EXT1: variants seen among roughly 807,000 people sequenced by gnomAD.
EXT1 encodes the protein exostosin-1.
EXT1 carries 20 observed loss-of-function variants against 82.5 expected under a neutral mutation model. The ratio of observed to expected loss-of-function variants is 0.24; its 90% CI spans 0.17 to 0.35. The LOEUF is 0.35. EXT1 is among the 10% of genes least tolerant of loss of function. The pLI, the probability that EXT1 is intolerant of heterozygous loss-of-function variation, is 1.00. For synonymous variants in EXT1, 348 were observed against 350.8 expected, an observed-to-expected ratio of 0.99 and a Z score of 0.09; for missense variants, 757 against 936.5, an observed-to-expected ratio of 0.81 and a Z score of 2.50.
chr8:117,982,632 A>G (rs1454093168), intron 1 of EXT1, among the ~76,000 whole-genome samples: 1 of 152,070 alleles, frequency 6.6e-6, no homozygotes, highest in Non-Finnish European at 1.5e-5. Context: ...CTGAGATTAC[A>G]GGGGTGCGCC....
intron 1 of EXT1, among the ~76,000 whole-genome samples, chr8:118,088,102 G>A (rs1336039341): frequency 6.6e-6 from 1 of 152,112 alleles, no homozygotes; most frequent in Non-Finnish European, 1.5e-5. Context: ...TCTTCTCCCG[G>A]CTGCTGCACT....
At chr8:117,892,735 G>C (rs1813267362) in intron 1 of EXT1, among the ~76,000 whole-genome samples, 1 of 152,220 alleles carries the variant, frequency 6.6e-6, no homozygotes, top group Non-Finnish European at 1.5e-5. Flanking sequence ...ACTGTGGCTT[G>C]CACCATAGAA....
rs1419842963 is a variant in EXT1 at position 117,819,919 on chromosome 8, T to G, written c.1418-125A>C. ...CCCTCCTGGATGATTTCTCCTTTGC[T>G]TCTTATGTCCTGACAGGACAGAAAC... is the stretch of plus-strand genomic sequence containing the variant. On this transcript the variant is annotated intron_variant, in intron 5 of 10. Coordinates refer to ENST00000378204, the MANE Select transcript of EXT1 (RefSeq NM_000127.3). The G allele has an allele frequency of 1.1e-5, 10 of 908,124 alleles. No homozygotes were observed. In the East Asian group the frequency reaches 1.7e-4, roughly 15 times the overall value. The allele number at this position is 908,124 out of a possible 1,614,324, so 56.3% of individuals were successfully genotyped here. A position where few individuals can be genotyped will look rare whatever the true frequency, so the allele number is the denominator to read the frequency against.
intron 10 of EXT1, among the ~76,000 whole-genome samples, chr8:117,804,024 G>T (rs1034902982): frequency 6.6e-6 from 1 of 152,204 alleles, no homozygotes; most frequent in Admixed American, 6.5e-5. Context: ...AGAGAGTATG[G>T]TTTGCTAGAC....
At chr8:118,042,607 G>A (rs1340738474) in intron 1 of EXT1, among the ~76,000 whole-genome samples, 1 of 152,102 alleles carries the variant, frequency 6.6e-6, no homozygotes, top group Admixed American at 6.5e-5. Flanking sequence ...CCCCCACCTT[G>A]TTTTTTAATT....
At chr8:118,098,758 C>CAAAAAAAA (rs3050886) in intron 1 of EXT1, among the ~76,000 whole-genome samples, 1 of 128,142 alleles carries the variant, frequency 7.8e-6, no homozygotes, top group Non-Finnish European at 1.6e-5. Flanking sequence ...GACTCTGTCT[C>CAAAAAAAA]AAAAAAAAAA....
intron 1 of EXT1, among the ~76,000 whole-genome samples, chr8:117,874,911 C>A (rs1812940384): frequency 6.6e-6 from 1 of 152,080 alleles, no homozygotes; most frequent in Non-Finnish European, 1.5e-5. Flanking sequence ...GCGGCTTTGA[C>A]AATAGTGTTA....
chr8:117,995,399 A>T (rs1815517095), intron 1 of EXT1, among the ~76,000 whole-genome samples: 1 of 152,172 alleles, frequency 6.6e-6, no homozygotes, highest in African/African-American at 2.4e-5. Context: ...TCTGTAATTC[A>T]TCAATGATAT....
intron 4 of EXT1, among the ~76,000 whole-genome samples, chr8:117,827,300 T>C (rs746579079): frequency 2.6e-4 from 39 of 152,290 alleles, no homozygotes; most frequent in Middle Eastern, 3.4e-3. Flanking sequence ...TAGATAAAGA[T>C]ATAGTTATCT....
chr8:117,851,616 G>GACACACACACACAC lies in EXT1; in HGVS notation c.963-14429_963-14416dup, dbSNP rs35686154. 3.2e-3 allele frequency among the ~76,000 whole-genome samples: 477 copies of GACACACACACACAC among 148,000 alleles called. 12 individuals carry two copies. In the East Asian group the frequency reaches 0.065, roughly 20 times the overall value. On this transcript the variant is annotated intron_variant, in intron 1 of 10. Transcript: ENST00000378204. ...CTAAGAAAGCAGTGCAATTTAGCTG[G>GACACACACACACAC]ACACACACACACACACACACACACA...
intron 1 of EXT1, among the ~76,000 whole-genome samples, chr8:117,860,223 C>T (rs1411716022): frequency 1.3e-5 from 2 of 150,200 alleles, no homozygotes; most frequent in African/African-American, 2.5e-5. Context: ...AACTGGAGGC[C>T]ATTATTCTAA....
At chr8:118,039,508 C>T (rs1369825895) in intron 1 of EXT1, among the ~76,000 whole-genome samples, 4 of 140,658 alleles carry the variant, frequency 2.8e-5, no homozygotes, top group African/African-American at 5.3e-5. Context: ...TGCAGTGAGC[C>T]GAGATGGCGC....
intron 10 of EXT1, among the ~76,000 whole-genome samples, chr8:117,800,605 C>G (rs1343372217): frequency 2.6e-5 from 4 of 152,194 alleles, no homozygotes; most frequent in Non-Finnish European, 5.9e-5. Context: ...TAACTTTATA[C>G]TAAAATCTCA....
chr8:118,105,348 C>A (rs1366442177), intron 1 of EXT1, among the ~76,000 whole-genome samples: 3 of 152,320 alleles, frequency 2.0e-5, no homozygotes, highest in Admixed American at 1.3e-4. Flanking sequence ...TGGGCAGGAC[C>A]TGCCCAAACC....
chr8:118,088,695 T>G (rs1817470975), intron 1 of EXT1, among the ~76,000 whole-genome samples: 1 of 152,028 alleles, frequency 6.6e-6, no homozygotes, highest in Non-Finnish European at 1.5e-5. Flanking sequence ...TTTTTTTTTT[T>G]TTTCCTCTGC....
chr8:117,910,128 C>T (rs889605869), intron 1 of EXT1, among the ~76,000 whole-genome samples: 3 of 152,106 alleles, frequency 2.0e-5, no homozygotes, highest in Non-Finnish European at 2.9e-5. Flanking sequence ...ATAAGCATAA[C>T]TTGCATTCCA....
chr8:118,067,582 C>A (rs566637150), intron 1 of EXT1, among the ~76,000 whole-genome samples: 1 of 152,188 alleles, frequency 6.6e-6, no homozygotes, highest in Non-Finnish European at 1.5e-5. Flanking sequence ...ATCACACCAA[C>A]GTGAAGCGGT....
At chr8:117,947,199 A>T (rs1814406645) in intron 1 of EXT1, among the ~76,000 whole-genome samples, 1 of 152,216 alleles carries the variant, frequency 6.6e-6, no homozygotes, top group African/African-American at 2.4e-5. Context: ...CTTGATTCCC[A>T]GCTACAGACA....
At chr8:118,044,579 G>T (rs1438112524) in intron 1 of EXT1, among the ~76,000 whole-genome samples, 1 of 152,056 alleles carries the variant, frequency 6.6e-6, no homozygotes, top group African/African-American at 2.4e-5. Context: ...GGCTAATTTT[G>T]TATTTTTAGT....
Sources: gnomAD v4.1 joint callset for allele counts (sites outside exome capture counted in the v4.1 genomes callset) on GRCh38, gnomAD v4.1.1 for gene constraint, MANE v1.5 for transcripts, NCBI Gene and HGNC (gene_info 2026-07-23, HGNC 2026-07-21) for gene names.